Variants in UNC13C observed in about 807,000 individuals in gnomAD.
UNC13C encodes unc-13 homolog C, also known as protein unc-13 homolog C.
UNC13C carries 174 observed loss-of-function variants against 245.4 expected under a neutral mutation model. The observed-to-expected ratio is 0.71, with a 90% CI of 0.63 to 0.80. UNC13C has a LOEUF of 0.80. Among genes scored for constraint, UNC13C ranks in the 30% least tolerant of loss-of-function variants. UNC13C has a pLI of 0.00. For missense variants in UNC13C, 2,829 were observed against 2,602.9 expected, an observed-to-expected ratio of 1.09 and a Z score of -1.89; for synonymous variants, 992 against 895.1, an observed-to-expected ratio of 1.11 and a Z score of -1.93.
chr15:54,239,634 T>A (rs949004783), intron 7 of UNC13C, among the ~76,000 whole-genome samples: 5 of 152,134 alleles, frequency 3.3e-5, no homozygotes, highest in Admixed American at 3.3e-4. Context: ...CTTTTTTTTT[T>A]AGAGACAGGG....
At chr15:53,945,693 G>T in the UNC13C span, among the ~76,000 whole-genome samples, 4 of 151,826 alleles carry the variant, frequency 2.6e-5, no homozygotes, top group Admixed American at 2.6e-4. Flanking sequence ...CACCAGCTTT[G>T]GTCTTTTTGC....
At chr15:54,610,210 G>C (rs1192589749) in intron 30 of UNC13C, among the ~76,000 whole-genome samples, 1 of 152,086 alleles carries the variant, frequency 6.6e-6, no homozygotes, top group Non-Finnish European at 1.5e-5. Context: ...GTACTCACTA[G>C]TTTACTACTT....
At chr15:54,535,926 GA>G (rs1895964281) in intron 26 of UNC13C, among the ~76,000 whole-genome samples, 1 of 151,882 alleles carries the variant, frequency 6.6e-6, no homozygotes, top group African/African-American at 2.4e-5. Context: ...GAAAAGCTAG[GA>G]AAACAAGAGT....
intron 30 of UNC13C, among the ~76,000 whole-genome samples, chr15:54,578,510 T>C (rs1898059422): frequency 6.6e-6 from 1 of 152,206 alleles, no homozygotes; most frequent in African/African-American, 2.4e-5. Context: ...AATACTAAGA[T>C]TGGTTTAAAT....
rs544371120 is a variant in UNC13C at position 54,002,284 on chromosome 15, T to G, written c.-256-10364T>G. Among the ~76,000 whole-genome samples the G allele has an allele frequency of 2.6e-5, 4 of 151,028 alleles. No homozygotes were observed. The South Asian group carries it at 6.2e-4, about 24-fold the overall frequency. On this transcript the variant is annotated intron_variant, in intron 1 of 32. Coordinates refer to ENST00000260323, the MANE Select transcript of UNC13C (RefSeq NM_001080534.3). The stretch of plus-strand genomic sequence containing the variant: ...CTGGGTGAAAGAGTGAGAATCCATC[T>G]CAAAAAAAAAGAAAGAAAAGAAAGA...
At chr15:54,192,547 A>G (rs1401024947) in intron 4 of UNC13C, among the ~76,000 whole-genome samples, 1 of 152,144 alleles carries the variant, frequency 6.6e-6, no homozygotes, top group Non-Finnish European at 1.5e-5. Flanking sequence ...GTTCTCTAAC[A>G]TCTTACTCAT....
chr15:53,858,934 AT>A, the UNC13C span, among the ~76,000 whole-genome samples: 1 of 148,926 alleles, frequency 6.7e-6, no homozygotes, highest in Non-Finnish European at 1.5e-5. Flanking sequence ...CCATAGATAT[AT>A]TTTACTTGAT....
chr15:54,236,448 CTATT>C lies in UNC13C; in HGVS notation c.3156+20_3156+23del, dbSNP rs2035702711. ...TCTTCAGGCCATGGTAAGTGCTTTG[CTATT>C]TATTTAATTAATATTTTGCAGTCTT... On this transcript the variant is annotated intron_variant, in intron 6 of 32. Transcript: ENST00000260323. The C allele has an allele frequency of 6.3e-7, 1 of 1,589,142 alleles. No homozygotes were observed. Among genetic ancestry groups the C allele is most frequent in the South Asian group, 1.1e-5 (1 of 89,138 alleles).
chr15:54,383,324 A>G (rs2039767690), intron 17 of UNC13C, among the ~76,000 whole-genome samples: 1 of 152,178 alleles, frequency 6.6e-6, no homozygotes, highest in Non-Finnish European at 1.5e-5. Context: ...AACACATTAA[A>G]CAGATAATGC....
intron 2 of UNC13C, among the ~76,000 whole-genome samples, chr15:54,103,297 G>A (rs934193): frequency 0.97 from 147,871 of 152,250 alleles, 71,980 homozygotes; most frequent in Middle Eastern, 1. Flanking sequence ...TAAGGAGTTC[G>A]CCAGGGTAAC....
chr15:53,979,958 G>C (rs1398221972), intron 1 of UNC13C, among the ~76,000 whole-genome samples: 1 of 152,040 alleles, frequency 6.6e-6, no homozygotes, highest in Non-Finnish European at 1.5e-5. Flanking sequence ...TTCTGGAGGG[G>C]AGAAACGAGA....
chr15:54,367,361 A>G (rs1342455048), intron 17 of UNC13C, among the ~76,000 whole-genome samples: 1 of 152,166 alleles, frequency 6.6e-6, no homozygotes, highest in Non-Finnish European at 1.5e-5. Flanking sequence ...TCTTTTCTGT[A>G]ACAAATTCTT....
intron 4 of UNC13C, among the ~76,000 whole-genome samples, chr15:54,202,473 T>A (rs1191752341): frequency 2.0e-5 from 3 of 151,866 alleles, no homozygotes; most frequent in Non-Finnish European, 4.4e-5. Context: ...AAATTGGCAC[T>A]AGACCAATGG....
chr15:54,237,602 A>G lies in UNC13C; in HGVS notation c.3157-17A>G, dbSNP rs2035736827. 6.2e-7 allele frequency: 1 copy of G among 1,603,618 alleles called. No individual in the cohort carries two copies. Among genetic ancestry groups the G allele is most frequent in the African/African-American group, 1.3e-5 (1 of 74,758 alleles). On this transcript the variant is annotated splice_polypyrimidine_tract_variant and intron_variant, in intron 6 of 32. Transcript: ENST00000260323. ...ACCTCCCTATGTATTAATAAGTCAT[A>G]ATTCTGTTTGTTTTAGACCCTGGCT...
At position 54,470,947 on chromosome 15, in the gene UNC13C, T is replaced by A. The variant is rs184826195; in HGVS notation, c.4934-23661T>A. 4.2e-3 allele frequency among the ~76,000 whole-genome samples: 644 copies of A among 151,574 alleles called. 1 individual carries two copies. Among genetic ancestry groups the A allele is most frequent in the Non-Finnish European group, 5.5e-3 (370 of 67,562 alleles). On this transcript the variant is annotated intron_variant, in intron 19 of 32. Transcript: ENST00000260323. ...TAATACTCTCAAGATATTTTCAAAT[T>A]TTTTCATTTTTTTAACCCTATAGTT...
intron 26 of UNC13C, among the ~76,000 whole-genome samples, chr15:54,544,129 G>T (rs1044087300): frequency 6.6e-6 from 1 of 152,138 alleles, no homozygotes; most frequent in Non-Finnish European, 1.5e-5. Flanking sequence ...AGGATCCAAG[G>T]CTGGTTCAAC....
At chr15:54,538,707 G>A (rs1186519869) in intron 26 of UNC13C, among the ~76,000 whole-genome samples, 1 of 151,964 alleles carries the variant, frequency 6.6e-6, no homozygotes, top group Non-Finnish European at 1.5e-5. Context: ...AACATGGATG[G>A]AACTGGAGGC....
At chr15:54,419,883 G>C (rs1372986015) in intron 19 of UNC13C, among the ~76,000 whole-genome samples, 1 of 152,050 alleles carries the variant, frequency 6.6e-6, no homozygotes, top group Non-Finnish European at 1.5e-5. Flanking sequence ...GTTGAGCTTG[G>C]TACTCACTCA....
intron 4 of UNC13C, among the ~76,000 whole-genome samples, chr15:54,198,564 C>G (rs1220809518): frequency 2.4e-4 from 36 of 152,118 alleles, no homozygotes; most frequent in Non-Finnish European, 2.9e-5. Flanking sequence ...CAGTACCAAC[C>G]CAGAGCCTGG....
Sources: allele counts gnomAD v4.1 joint callset (sites outside exome capture counted in the v4.1 genomes callset), GRCh38; gene constraint gnomAD v4.1.1; transcripts MANE v1.5; gene names NCBI Gene and HGNC (gene_info 2026-07-23, HGNC 2026-07-21).